SHROOM3: variants seen among roughly 807,000 people sequenced by gnomAD.
SHROOM3 encodes protein Shroom3.
Under a neutral mutation model 138.6 loss-of-function variants are expected in SHROOM3, and 47 were observed. That is an observed-to-expected ratio of 0.34 (90% CI 0.27 to 0.43). SHROOM3 has a LOEUF of 0.43. Ranked by LOEUF, SHROOM3 falls within the 20% of genes least tolerant of loss-of-function variation. The pLI is 1.00. For missense variants in SHROOM3, 2,491 were observed against 2,596.5 expected, an observed-to-expected ratio of 0.96 and a Z score of 0.88; for synonymous variants, 1,062 against 1,063.3, an observed-to-expected ratio of 1.00 and a Z score of 0.02.
intron 2 of SHROOM3, among the ~76,000 whole-genome samples, chr4:76,581,758 A>G (rs1363640633): frequency 1.3e-5 from 2 of 152,238 alleles, no homozygotes; most frequent in African/African-American, 2.4e-5. Flanking sequence ...CTGAGTTTCT[A>G]TCTAGGCTCA....
At chr4:76,480,142 G>C (rs1731573934) in intron 1 of SHROOM3, among the ~76,000 whole-genome samples, 1 of 152,208 alleles carries the variant, frequency 6.6e-6, no homozygotes, top group Admixed American at 6.5e-5. Context: ...AACCTTAAAT[G>C]TAAATGGGCT....
chr4:76,486,540 GT>G (rs1731735083), intron 1 of SHROOM3, among the ~76,000 whole-genome samples: 1 of 152,130 alleles, frequency 6.6e-6, no homozygotes, highest in African/African-American at 2.4e-5. Flanking sequence ...TTTTTGTAAA[GT>G]AAAAAGAAAA....
At chr4:76,754,182 A>G (rs1578020604) in intron 6 of SHROOM3, 129 bp from the exon 7 acceptor site, 5 of 1,185,504 alleles carry the variant, frequency 4.2e-6, no homozygotes, top group South Asian at 3.7e-5. Flanking sequence ...GACAGTGTGC[A>G]GTTTCTGGGG....
In SHROOM3 at chr4:76,468,903, A is replaced by G. The variant is rs551580067; in HGVS notation, c.168+32683A>G. 1.5e-4 allele frequency among the ~76,000 whole-genome samples: 23 copies of G among 152,144 alleles called. No homozygotes were observed. The East Asian group carries it at 4.1e-3, about 27-fold the overall frequency. On this transcript the variant is annotated intron_variant, in intron 1 of 10. Transcript: ENST00000296043. Reference sequence around the variant, plus strand: ...AAAAAAATTAGCCAGGCGTGGTGGCAGGCGACTGTAGTCCCAGCTACTCGG... The same window carrying G: ...AAAAAAATTAGCCAGGCGTGGTGGCGGGCGACTGTAGTCCCAGCTACTCGG...
intron 2 of SHROOM3, among the ~76,000 whole-genome samples, chr4:76,702,430 C>T (rs1719928381): frequency 6.6e-6 from 1 of 152,222 alleles, no homozygotes; most frequent in African/African-American, 2.4e-5. Flanking sequence ...TTGCCAGGCA[C>T]TGTTCTGATT....
intron 3 of SHROOM3, among the ~76,000 whole-genome samples, chr4:76,722,962 G>A (rs1181992018): frequency 1.3e-5 from 2 of 151,930 alleles, no homozygotes; most frequent in African/African-American, 2.4e-5. Context: ...AGTATATTTT[G>A]TATTCTTATA....
intron 2 of SHROOM3, among the ~76,000 whole-genome samples, chr4:76,582,890 C>T (rs774602607): frequency 2.6e-5 from 4 of 152,124 alleles, no homozygotes; most frequent in Admixed American, 1.3e-4. Context: ...CAGTGTGCAG[C>T]GGGGTCCACA....
chr4:76,486,360 T>C (rs1017048422), intron 1 of SHROOM3, among the ~76,000 whole-genome samples: 1 of 152,226 alleles, frequency 6.6e-6, no homozygotes, highest in African/African-American at 2.4e-5. Context: ...ATGTGATGGA[T>C]TGAATCTCTT....
intron 2 of SHROOM3, among the ~76,000 whole-genome samples, chr4:76,567,513 C>T (rs770547071): frequency 6.6e-6 from 1 of 152,012 alleles, no homozygotes; most frequent in East Asian, 1.9e-4. Flanking sequence ...AGCCGGGCGT[C>T]GTGGTGAGCG....
rs550067595 is a variant in SHROOM3 at position 76,493,709 on chromosome 4, G to A, written c.168+57489G>A. Among the ~76,000 whole-genome samples, 6 of 152,338 alleles carry A rather than the reference G, an allele frequency of 3.9e-5. No individual in the cohort carries two copies. In the South Asian group the frequency reaches 6.2e-4, roughly 16 times the overall value. ...TAAAGTGAAAATATTGGCCGGGTGT[G>A]GTGGCTCATGCCTGTAATCCCAACA... On this transcript the variant is annotated intron_variant, in intron 1 of 10. Transcript: ENST00000296043.
intron 1 of SHROOM3, among the ~76,000 whole-genome samples, chr4:76,485,021 G>A (rs1208801238): frequency 6.6e-6 from 1 of 152,172 alleles, no homozygotes; most frequent in African/African-American, 2.4e-5. Context: ...CACAGTAGAT[G>A]TCAGATAATA....
chr4:76,716,744 C>A (rs946381098), intron 3 of SHROOM3, among the ~76,000 whole-genome samples: 2 of 152,136 alleles, frequency 1.3e-5, no homozygotes, highest in Non-Finnish European at 2.9e-5. Context: ...TGCTGTGTAC[C>A]TCACGGTTTT....
In SHROOM3 at chr4:76,741,468, A is replaced by G. The variant is rs1322373630; in HGVS notation, c.3295A>G (p.Thr1099Ala). ...CCAGCGCAAGACCGGCAAGCGGCCT[A>G]CCTCCGCCGCCGGCTGCAGCCTCCA... ...YIQRKTGKRP[T>A]SAAGCSLQEP... The change falls in exon 5 of 11, where the codon ACC (threonine) becomes GCC (alanine). Residue 1099 changes from threonine to alanine, a missense_variant. Around this residue, in one of 4 missense-constraint regions of SHROOM3, gnomAD observed 1,733 missense variants for 1,661.6 expected, o/e 1.04. Transcript: ENST00000296043. The surrounding 1 kb of genome is among the most constrained non-coding windows in gnomAD (Gnocchi z 6.2). The G allele has an allele frequency of 6.4e-7, 1 of 1,565,678 alleles. No homozygotes were observed. The highest frequency in any genetic ancestry group is 8.6e-7 in the Non-Finnish European group (1 of 1,159,012).
intron 5 of SHROOM3, 83 bp downstream of exon 5, chr4:76,742,009 C>T: frequency 6.7e-7 from 1 of 1,501,306 alleles, no homozygotes; most frequent in Non-Finnish European, 9.1e-7. Context: ...CCCCCACACT[C>T]TCACCCGCTC....
chr4:76,584,247 G>C (rs1341697489), intron 2 of SHROOM3, among the ~76,000 whole-genome samples: 1 of 152,106 alleles, frequency 6.6e-6, no homozygotes, highest in Non-Finnish European at 1.5e-5. Flanking sequence ...GTATCCGGGA[G>C]GCAGAGGTTG....
chr4:76,565,452 A>C (rs1733702862), intron 2 of SHROOM3, among the ~76,000 whole-genome samples: 1 of 152,102 alleles, frequency 6.6e-6, no homozygotes, highest in South Asian at 2.1e-4. Context: ...AACAACAACA[A>C]ACTAATTCCT....
chr4:76,479,977 G>A (rs760128724), intron 1 of SHROOM3, among the ~76,000 whole-genome samples: 45 of 152,166 alleles, frequency 3.0e-4, no homozygotes, highest in Non-Finnish European at 5.4e-4. Context: ...TCTGAAGGAA[G>A]CACTAAATAT....
intron 7 of SHROOM3, among the ~76,000 whole-genome samples, 170 bp from the exon 8 acceptor site, chr4:76,756,279 A>ATTCT (rs1721807288): frequency 6.6e-6 from 1 of 152,134 alleles, no homozygotes; most frequent in Non-Finnish European, 1.5e-5. Flanking sequence ...CAGAAGCCAT[A>ATTCT]TTCTTTAACA....
chr4:76,630,323 C>T (rs1243018333), intron 2 of SHROOM3, among the ~76,000 whole-genome samples: 1 of 152,154 alleles, frequency 6.6e-6, no homozygotes, highest in African/African-American at 2.4e-5. Context: ...CCAGCTAGAG[C>T]ACTTGCAGCT....
Sources: gnomAD v4.1 joint callset for allele counts (sites outside exome capture counted in the v4.1 genomes callset) on GRCh38, gnomAD v4.1.1 for gene constraint, gnomAD v4.1.1 regional missense constraint, Gnocchi (gnomAD v3.1) non-coding constraint, MANE v1.5 for transcripts, NCBI Gene and HGNC (gene_info 2026-07-23, HGNC 2026-07-21) for gene names.